Variants in NRDE2 observed in about 807,000 individuals in gnomAD.
NRDE2 encodes NRDE-2, necessary for RNA interference, domain containing.
Under a neutral mutation model 124.2 loss-of-function variants are expected in NRDE2, and 76 were observed. The observed-to-expected ratio is 0.61, with a 90% CI of 0.51 to 0.74. The LOEUF (loss-of-function observed/expected upper bound fraction) is 0.74, where lower values mean the gene tolerates loss of function less well. Ranked by LOEUF, NRDE2 falls within the 30% of genes least tolerant of loss-of-function variation. NRDE2 has a pLI of 0.00. For missense variants in NRDE2, 1,314 were observed against 1,417.3 expected, an observed-to-expected ratio of 0.93 and a Z score of 1.17; for synonymous variants, 489 against 528.1, an observed-to-expected ratio of 0.93 and a Z score of 1.01.
At chr14:90,317,720 T>C in intron 2 of NRDE2, 1 of 269,934 alleles carries the variant, frequency 3.7e-6, no homozygotes. Context: ...TATGATGTTC[T>C]AAAGGTTACT....
At chr14:90,320,006 T>G (rs1158266118) in intron 1 of NRDE2, among the ~76,000 whole-genome samples, 1 of 152,240 alleles carries the variant, frequency 6.6e-6, no homozygotes, top group Non-Finnish European at 1.5e-5. Flanking sequence ...TTTATTATAG[T>G]CACCCTAGTG....
chr14:90,324,851 T>A (rs1393548853), intron 1 of NRDE2, among the ~76,000 whole-genome samples: 1 of 152,180 alleles, frequency 6.6e-6, no homozygotes, highest in Non-Finnish European at 1.5e-5. Flanking sequence ...AAGTTAGTAT[T>A]TGTAAGGCAT....
At position 90,279,148 on chromosome 14, in the gene NRDE2, A is replaced by G; in HGVS notation, c.3298-15T>C. On this transcript the variant is annotated splice_polypyrimidine_tract_variant and intron_variant, in intron 12 of 13. Coordinates refer to ENST00000354366, the MANE Select transcript of NRDE2 (RefSeq NM_017970.4). ...CCTAAGGAAACCTGAGGTGAGGGGG[A>G]GAAAATACAAACATGATTAGTTGAC... The G allele has an allele frequency of 6.3e-7, 1 of 1,588,696 alleles. No individual in the cohort carries two copies. The highest frequency in any genetic ancestry group is 8.6e-7 in the Non-Finnish European group (1 of 1,156,832).
intron 13 of NRDE2, 195 bp downstream of exon 13, chr14:90,278,867 A>G: frequency 1.6e-6 from 1 of 642,694 alleles, no homozygotes; most frequent in Non-Finnish European, 2.8e-6. Context: ...CACCAGCCCC[A>G]GGTAGGGCCA....
chr14:90,307,528 C>A (rs1884656117), intron 4 of NRDE2, among the ~76,000 whole-genome samples: 1 of 152,114 alleles, frequency 6.6e-6, no homozygotes, highest in Admixed American at 6.5e-5. Context: ...GAATTTGACA[C>A]CAGCCTGGCC....
chr14:90,276,212 G>A lies in NRDE2; in HGVS notation c.*2124C>T, dbSNP rs998204811. On this transcript the variant is annotated 3_prime_UTR_variant, in exon 14 of 14. Coordinates refer to ENST00000354366, the MANE Select transcript of NRDE2 (RefSeq NM_017970.4). ...GAAGTTCATGTCAGCAATCTCAAAC[G>A]GGCTGTTTTTTTTTTTTTTTTTTCG... 3.7e-5 allele frequency: 5 copies of A among 135,470 alleles called. No homozygotes were observed. Among genetic ancestry groups the A allele is most frequent in the South Asian group, 2.4e-4 (1 of 4,174 alleles). 8.4% of individuals were successfully genotyped at this position (135,470 alleles called of 1,614,324 possible).
At position 90,331,929 on chromosome 14, in the gene NRDE2, T is replaced by G. The variant is rs1247201917; in HGVS notation, c.-25A>C. 1 of 1,613,868 alleles carries G rather than the reference T, an allele frequency of 6.2e-7. No homozygotes were observed. Among genetic ancestry groups the G allele is most frequent in the Non-Finnish European group, 8.5e-7 (1 of 1,179,956 alleles). ...TGACCACAGGCCGTACCTCCGTTCT[T>G]CTCTATAGGGATGGCGCCGGCGAGC... On this transcript the variant is annotated 5_prime_UTR_variant, in exon 1 of 14. Coordinates refer to ENST00000354366, the MANE Select transcript of NRDE2 (RefSeq NM_017970.4).
intron 4 of NRDE2, among the ~76,000 whole-genome samples, chr14:90,306,532 C>T (rs1168616756): frequency 6.6e-6 from 1 of 152,134 alleles, no homozygotes; most frequent in African/African-American, 2.4e-5. Context: ...TAATGTAGGC[C>T]GGGTGTGGTG....
chr14:90,310,371 C>G (rs1222969264), intron 4 of NRDE2, among the ~76,000 whole-genome samples: 1 of 152,146 alleles, frequency 6.6e-6, no homozygotes, highest in Non-Finnish European at 1.5e-5. Context: ...AACCTCTCTG[C>G]GATTCCTTTT....
chr14:90,312,320 C>T, intron 4 of NRDE2, 74 bp downstream of exon 4: 1 of 1,406,194 alleles, frequency 7.1e-7, no homozygotes, highest in Middle Eastern at 2.5e-4. Flanking sequence ...GGCAGGCAGA[C>T]AGTGCCAAGA....
At position 90,288,641 on chromosome 14, in the gene NRDE2, G is replaced by A; in HGVS notation, c.2734C>T (p.Leu912Phe). The A allele has an allele frequency of 6.2e-7, 1 of 1,614,140 alleles. No homozygotes were observed. The highest frequency in any genetic ancestry group is 8.5e-7 in the Non-Finnish European group (1 of 1,180,050). Residue 912 changes from leucine to phenylalanine, a missense_variant, in exon 11 of 14, where the codon CTC (leucine) becomes TTC (phenylalanine). Leu to Phe is a conservative substitution (Grantham distance 22). Coordinates refer to ENST00000354366, the MANE Select transcript of NRDE2 (RefSeq NM_017970.4). ...RLISLAKCFM[L>F]FQYLTIGIDA... ...ATCCCTATGGTCAAATACTGGAAGA[G>A]CATGAAGCATTTAGCCAGGCTAATT...
At chr14:90,315,073 A>G (rs1368697922) in intron 3 of NRDE2, among the ~76,000 whole-genome samples, 1 of 142,690 alleles carries the variant, frequency 7.0e-6, no homozygotes, top group Non-Finnish European at 1.5e-5. Context: ...GCTACTTGGG[A>G]GGCTGAGGCA....
In NRDE2 at chr14:90,331,867, G is replaced by A. The variant is rs1281605207; in HGVS notation, c.38C>T (p.Ala13Val). Reference sequence around the variant, plus strand: ...TTTCCTGGAGCTCCCGCCATCGGGAGCCTCACTAAGCCCCGCAAAGGCTGG... The same window carrying A: ...TTTCCTGGAGCTCCCGCCATCGGGAACCTCACTAAGCCCCGCAAAGGCTGG... ...LFPAFAGLSE[A>V]PDGGSSRKEL... is the part of the protein sequence containing the mutation. The change falls in exon 1 of 14, where the codon GCT becomes GTT. Residue 13 changes from alanine (A) to valine (V), a missense_variant. Coordinates refer to ENST00000354366, the MANE Select transcript of NRDE2 (RefSeq NM_017970.4). The A allele has an allele frequency of 6.2e-7, 1 of 1,614,142 alleles. No individual in the cohort carries two copies. Among genetic ancestry groups the A allele is most frequent in the Non-Finnish European group, 8.5e-7 (1 of 1,180,042 alleles).
Position 90,327,557 on chromosome 14 carries a change from G to T in NRDE2, c.64+4284C>A, listed in dbSNP as rs72699178. 1.2e-4 allele frequency among the ~76,000 whole-genome samples: 13 copies of T among 106,450 alleles called. No homozygotes were observed. The South Asian group carries it at 3.2e-3, about 26-fold the overall frequency. 69.8% of individuals were successfully genotyped at this position (106,450 alleles called of 152,430 possible). A position where few individuals can be genotyped will look rare whatever the true frequency, so the allele number is the denominator to read the frequency against. On this transcript the variant is annotated intron_variant, in intron 1 of 13. Coordinates refer to ENST00000354366, the MANE Select transcript of NRDE2 (RefSeq NM_017970.4). ...GAGTGAAACCTCATTTCTAAAAAAA[G>T]AAAAAAAAAAAAAGCCTACCTGCAA...
chr14:90,302,977 A>C lies in NRDE2; in HGVS notation c.1154T>G (p.Leu385Arg). Residue 385 changes from leucine (L) to arginine (R), a missense_variant, in exon 6 of 14, where the codon CTG becomes CGG. Coordinates refer to ENST00000354366, the MANE Select transcript of NRDE2 (RefSeq NM_017970.4). ...CTCTGTGCAGAGCTTCAGCTTGGCCAGTTTCAGATCCACACTGCTCTGGTT... is the reference window on the plus strand; with the variant it reads ...CTCTGTGCAGAGCTTCAGCTTGGCCCGTTTCAGATCCACACTGCTCTGGTT... ...ESNQSSVDLK[L>R]AKLKLCTEFW... 6.2e-7 allele frequency: 1 copy of C among 1,613,914 alleles called. No individual in the cohort carries two copies. Among genetic ancestry groups the C allele is most frequent in the Non-Finnish European group, 8.5e-7 (1 of 1,179,984 alleles).
Position 90,270,465 on chromosome 14 carries a change from T to C in NRDE2, c.*7871A>G, listed in dbSNP as rs1031186858. 8 of 1,184,862 alleles carry C rather than the reference T, an allele frequency of 6.8e-6. No homozygotes were observed. Among genetic ancestry groups the C allele is most frequent in the Non-Finnish European group, 9.2e-6 (8 of 868,596 alleles). The allele number at this position is 1,184,862 out of a possible 1,614,324, so 73.4% of individuals were successfully genotyped here. A position where few individuals can be genotyped will look rare whatever the true frequency, so the allele number is the denominator to read the frequency against. On this transcript the variant is annotated 3_prime_UTR_variant, in exon 14 of 14. Transcript: ENST00000354366. ...CCTGGACAGGTGGGTGTCTGTATTT[T>C]AATCATCATATTGGTTTACGATTAC...
chr14:90,311,363 T>G (rs1884830452), intron 4 of NRDE2, among the ~76,000 whole-genome samples: 2 of 152,154 alleles, frequency 1.3e-5, no homozygotes. Flanking sequence ...CATCTTGAAT[T>G]GTAGTTCCCA....
At chr14:90,284,983 A>G (rs1892060421) in intron 12 of NRDE2, among the ~76,000 whole-genome samples, 1 of 152,120 alleles carries the variant, frequency 6.6e-6, no homozygotes, top group South Asian at 2.1e-4. Flanking sequence ...GCTGCTTTAG[A>G]AATGTCGATT....
Position 90,290,350 on chromosome 14 carries a change from G to A in NRDE2, c.2100C>T (p.Arg700=). 6.2e-7 allele frequency: 1 copy of A among 1,614,130 alleles called. No homozygotes were observed. The highest frequency in any genetic ancestry group is 8.5e-7 in the Non-Finnish European group (1 of 1,180,042). Residue 700 remains arginine (R), a synonymous_variant, in exon 10 of 14, where the codon CGC becomes CGT. Transcript: ENST00000354366. ...CCTCTCGGTTCTGACCCCTGGTCCA[G>A]CGAGGATAGCCCAACCTATCCATGC... The part of the protein sequence containing the change: ...VGRMDRLGYP[R]WTRGQNREGE...
Sources: allele counts gnomAD v4.1 joint callset (sites outside exome capture counted in the v4.1 genomes callset), GRCh38; gene constraint gnomAD v4.1.1; transcripts MANE v1.5; gene names NCBI Gene and HGNC (gene_info 2026-07-23, HGNC 2026-07-21).